The following TSPAN10 variants were observed in gnomAD, a reference collection of about 807,000 sequenced individuals.
The protein encoded by TSPAN10 is tetraspanin 10.
In TSPAN10, 11 loss-of-function variants were observed where a neutral mutation model predicts 15.0. The ratio of observed to expected loss-of-function variants is 0.73; its 90% CI spans 0.46 to 1.21. TSPAN10 has a LOEUF of 1.21. Among genes scored for constraint, TSPAN10 ranks in the 50% most tolerant of loss-of-function variants. The pLI, the probability that TSPAN10 is intolerant of heterozygous loss-of-function variation, is 0.00. For synonymous variants in TSPAN10, 241 were observed against 226.2 expected, an observed-to-expected ratio of 1.07 and a Z score of -0.59; for missense variants, 486 against 470.6, an observed-to-expected ratio of 1.03 and a Z score of -0.30.
At position 81,642,419 on chromosome 17, in the gene TSPAN10, GA is replaced by G; in HGVS notation, c.8del (p.Glu3GlyfsTer29). The G allele has an allele frequency of 6.2e-7, 1 of 1,613,324 alleles. No individual in the cohort carries two copies. On this transcript the variant is annotated frameshift_variant, in exon 1 of 3. Transcript: ENST00000611590. LOFTEE classifies it high-confidence loss of function. ...TTCTGTTCCAGCGTCAAGGATGGAGGAGGGGGAGAGGAGCCCCTTACTGTCC... is the reference window on the plus strand; with the variant it reads ...TTCTGTTCCAGCGTCAAGGATGGAGGGGGGGAGAGGAGCCCCTTACTGTCC...
chr17:81,638,067 A>G (rs969468519), upstream of TSPAN10: 1 of 118,080 alleles, frequency 8.5e-6, no homozygotes, highest in Non-Finnish European at 1.7e-5. Flanking sequence ...AAACTATGTT[A>G]AATTACATTA....
chr17:81,645,060 C>A (rs777280452), exon 2 of TSPAN10: 1 of 1,597,262 alleles, frequency 6.3e-7, no homozygotes, highest in Non-Finnish European at 8.5e-7. Context: ...GTCCAGTGCC[C>A]AGGGAGGACC....
intron 1 of TSPAN10, among the ~76,000 whole-genome samples, chr17:81,643,835 T>C (rs919933953): frequency 1.3e-5 from 2 of 151,842 alleles, no homozygotes; most frequent in African/African-American, 4.8e-5. Context: ...TATTTAGTTT[T>C]TGAGATGGAG....
intron 2 of TSPAN10, chr17:81,646,650 A>G (rs529975563): frequency 6.7e-6 from 1 of 149,108 alleles, no homozygotes; most frequent in Non-Finnish European, 1.5e-5. Flanking sequence ...ACTGCACTCC[A>G]GCCTGGGCGA....
chr17:81,647,896 T>C lies in TSPAN10; in HGVS notation c.675-5T>C. On this transcript the variant is annotated splice_polypyrimidine_tract_variant and splice_region_variant and intron_variant, in intron 2 of 2. Transcript: ENST00000611590. ...CCAGAACTGACGATTCCATGCGCCT[T>C]GCAGGTACTTTAACTGCAGCTCCCC... is the stretch of plus-strand genomic sequence containing the variant. 1.3e-6 allele frequency: 2 copies of C among 1,587,106 alleles called. No individual in the cohort carries two copies. Among genetic ancestry groups the C allele is most frequent in the Non-Finnish European group, 1.7e-6 (2 of 1,169,934 alleles).
exon 3 of TSPAN10, chr17:81,648,058 G>A: frequency 6.4e-7 from 1 of 1,574,622 alleles, no homozygotes; most frequent in Non-Finnish European, 8.6e-7. Flanking sequence ...GTACCTGGAG[G>A]GCTGCGGCCC....
upstream of TSPAN10, among the ~76,000 whole-genome samples, chr17:81,642,020 C>G (rs548036379): frequency 5.3e-5 from 8 of 152,220 alleles, no homozygotes; most frequent in South Asian, 1.7e-3. Flanking sequence ...GGTCTGATTC[C>G]CTGGTTGGGA....
chr17:81,637,475 A>G, upstream of TSPAN10: 4 of 681,842 alleles, frequency 5.9e-6, no homozygotes, highest in South Asian at 6.2e-5. Context: ...GTATTTTTTA[A>G]ATTTAACATA....
At chr17:81,645,228 G>A (rs373785747) in exon 2 of TSPAN10, 2 of 1,540,396 alleles carry the variant, frequency 1.3e-6, no homozygotes, top group African/African-American at 1.4e-5. Flanking sequence ...CCCTGCTGGG[G>A]CTGCTGGCCC....
In TSPAN10 at chr17:81,645,351, C is replaced by T. The variant is rs191170812; in HGVS notation, c.396C>T (p.Ser132=). The stretch of plus-strand genomic sequence containing the variant: ...TGGCACTGGGAGGGCTGGTGGTCAG[C>T]GCAGTGAGCCTGGCTGGCTACCTGG... Residue 132 remains serine (S), a synonymous_variant, in exon 2 of 3, where the codon AGC becomes AGT. Transcript: ENST00000611590. 3.6e-4 allele frequency: 578 copies of T among 1,586,524 alleles called. 5 individuals carry two copies. In the African/African-American group the frequency reaches 5.8e-3, roughly 16 times the overall value.
At chr17:81,637,953 G>GTCA (rs2036129444), upstream of TSPAN10, 1 of 146,244 alleles carries the variant, frequency 6.8e-6, no homozygotes, top group South Asian at 2.2e-4. Context: ...AAAAAAAGAC[G>GTCA]TCACTTCACA....
At chr17:81,645,829 C>A (rs11650947) in intron 2 of TSPAN10, 200 bp downstream of exon 3, 2 of 690,368 alleles carry the variant, frequency 2.9e-6, no homozygotes, top group South Asian at 1.6e-5. Context: ...GGACACACAC[C>A]TACACACTCC....
chr17:81,647,642 C>T (rs1598712691), intron 2 of TSPAN10: 2 of 655,484 alleles, frequency 3.1e-6, no homozygotes, highest in East Asian at 2.7e-5. Flanking sequence ...CACTAAATAT[C>T]CTCCTGCTAG....
chr17:81,644,006 ATTTT>A (rs1322175344), intron 1 of TSPAN10, among the ~76,000 whole-genome samples: 2 of 124,134 alleles, frequency 1.6e-5, no homozygotes, highest in Admixed American at 1.6e-4. Flanking sequence ...CGCCCGGCTA[ATTTT>A]TTTTTTTTTT....
At chr17:81,643,223 C>T (rs1265797172) in intron 1 of TSPAN10, among the ~76,000 whole-genome samples, 2 of 150,164 alleles carry the variant, frequency 1.3e-5, no homozygotes, top group Non-Finnish European at 3.0e-5. Flanking sequence ...TGGTCTCGAT[C>T]TCCTGACCTC....
chr17:81,647,769 C>T (rs560383379), intron 2 of TSPAN10, 132 bp from the exon 4 acceptor site: 6 of 902,664 alleles, frequency 6.6e-6, no homozygotes, highest in South Asian at 3.0e-5. Context: ...AATAGGAGGG[C>T]GTATGCACGT....
exon 2 of TSPAN10, chr17:81,645,493 G>A: frequency 6.3e-7 from 1 of 1,583,546 alleles, no homozygotes; most frequent in Non-Finnish European, 8.6e-7. Flanking sequence ...CCCGCTGCAA[G>A]ACAGCCTGGA....
At position 81,643,484 on chromosome 17, in the gene TSPAN10, G is replaced by A. The variant is rs1232064411; in HGVS notation, c.36+1036G>A. ...AAATTAGCCGGGCGTAGTGGCGGGC[G>A]CCTGTAGTCCCAGCTACTTGGGAGG... On this transcript the variant is annotated intron_variant, in intron 1 of 2. Coordinates refer to ENST00000611590, the Ensembl canonical transcript of TSPAN10. Among the ~76,000 whole-genome samples, 9 of 82,406 alleles carry A rather than the reference G, an allele frequency of 1.1e-4. 2 individuals are homozygous for A. Among genetic ancestry groups the A allele is most frequent in the Middle Eastern group, 9.3e-3 (2 of 216 alleles). 54.1% of individuals were successfully genotyped at this position (82,406 alleles called of 152,430 possible).
At chr17:81,646,098 A>C in intron 2 of TSPAN10, 1 of 241,708 alleles carries the variant, frequency 4.1e-6, no homozygotes, top group Non-Finnish European at 8.0e-6. Flanking sequence ...CAAACTTAGA[A>C]AGTCATTTTT....
Sources: gnomAD v4.1 joint callset for allele counts (sites outside exome capture counted in the v4.1 genomes callset) on GRCh38, gnomAD v4.1.1 for gene constraint, MANE v1.5 for transcripts, NCBI Gene and HGNC (gene_info 2026-07-23, HGNC 2026-07-21) for gene names.